The following MYO3A variants were observed in gnomAD, a reference collection of about 807,000 sequenced individuals.
The protein encoded by MYO3A is myosin IIIA.
MYO3A carries 180 observed loss-of-function variants against 192.7 expected under a neutral mutation model. That is an observed-to-expected ratio of 0.93 (90% CI 0.83 to 1.06). MYO3A has a LOEUF of 1.06. Ranked by LOEUF, MYO3A falls within the 50% of genes least tolerant of loss-of-function variation. MYO3A has a pLI of 0.00. For missense variants in MYO3A, 1,896 were observed against 1,905.0 expected, an observed-to-expected ratio of 1.00 and a Z score of 0.09; for synonymous variants, 628 against 645.3, an observed-to-expected ratio of 0.97 and a Z score of 0.41.
intron 29 of MYO3A, among the ~76,000 whole-genome samples, chr10:26,173,439 C>T (rs919835494): frequency 3.3e-5 from 5 of 152,094 alleles, no homozygotes; most frequent in African/African-American, 1.2e-4. Context: ...TTTCTCACTC[C>T]GAGTTGAATC....
chr10:26,082,024 A>T (rs965605932), intron 14 of MYO3A, among the ~76,000 whole-genome samples: 3 of 152,126 alleles, frequency 2.0e-5, no homozygotes, highest in Non-Finnish European at 4.4e-5. Flanking sequence ...TAAAATTCAC[A>T]ATGCAAGCCT....
chr10:26,081,146 GC>G (rs907981671), intron 14 of MYO3A, among the ~76,000 whole-genome samples: 1 of 70,754 alleles, frequency 1.4e-5, no homozygotes, highest in African/African-American at 5.2e-5. Flanking sequence ...CCCCCCCCCC[GC>G]CCCCGCTACC....
chr10:26,109,865 G>A (rs1405525669), intron 17 of MYO3A, among the ~76,000 whole-genome samples: 1 of 152,150 alleles, frequency 6.6e-6, no homozygotes, highest in Non-Finnish European at 1.5e-5. Flanking sequence ...TGGTGAAAGA[G>A]TTTGAGGAGC....
chr10:26,023,696 T>C (rs1464630001), intron 8 of MYO3A, among the ~76,000 whole-genome samples: 1 of 152,176 alleles, frequency 6.6e-6, no homozygotes, highest in Non-Finnish European at 1.5e-5. Flanking sequence ...AAAAAATACC[T>C]TTCCCCAGTA....
chr10:26,145,497 T>C lies in MYO3A; in HGVS notation c.2468T>C (p.Met823Thr), dbSNP rs147983564. Residue 823 changes from methionine (M) to threonine (T), a missense_variant, in exon 22 of 35, where the codon ATG (methionine) becomes ACG (threonine). Transcript: ENST00000642920. The stretch of plus-strand genomic sequence containing the variant: ...CAATACTTCTGGAGACCCAAAAGAA[T>C]GGAACTTAGTTTTGGAATTCACCAT... Reference protein sequence around the residue: ...KSQYFWRPKRMELSFGIHHYA... With the variant: ...KSQYFWRPKRTELSFGIHHYA... 1 of 1,610,462 alleles carries C rather than the reference T, an allele frequency of 6.2e-7. No homozygotes were observed. Among genetic ancestry groups the C allele is most frequent in the African/African-American group, 1.3e-5 (1 of 74,836 alleles).
chr10:25,972,270 G>A (rs1475698211), intron 4 of MYO3A, among the ~76,000 whole-genome samples: 3 of 151,252 alleles, frequency 2.0e-5, no homozygotes, highest in Non-Finnish European at 4.4e-5. Context: ...TTTTCACTTT[G>A]TTCTTTTTTT....
chr10:26,017,664 T>C (rs1306444308), intron 7 of MYO3A, among the ~76,000 whole-genome samples: 1 of 151,930 alleles, frequency 6.6e-6, no homozygotes, highest in Non-Finnish European at 1.5e-5. Context: ...ACTTGTTTAA[T>C]TATTACTTGC....
chr10:26,144,973 C>T (rs1011416540), intron 21 of MYO3A, among the ~76,000 whole-genome samples: 7 of 152,026 alleles, frequency 4.6e-5, no homozygotes, highest in East Asian at 1.9e-4. Flanking sequence ...GTCAGGAGTT[C>T]GAGACCAGCC....
At chr10:26,000,677 CT>C (rs11311143) in intron 6 of MYO3A, among the ~76,000 whole-genome samples, 94,135 of 148,192 alleles carry the variant, frequency 0.64, 30,114 homozygotes, top group African/African-American at 0.76. Flanking sequence ...GTGAGATGAG[CT>C]TTTTTTTTTT....
intron 20 of MYO3A, among the ~76,000 whole-genome samples, chr10:26,136,789 C>T (rs998690368): frequency 8.5e-5 from 13 of 152,228 alleles, no homozygotes; most frequent in African/African-American, 2.9e-4. Flanking sequence ...AGGCCAAGGT[C>T]AGCAGGATCA....
intron 4 of MYO3A, among the ~76,000 whole-genome samples, chr10:25,957,783 A>G (rs1419130002): frequency 2.6e-5 from 4 of 152,176 alleles, no homozygotes; most frequent in Non-Finnish European, 4.4e-5. Context: ...AAAAATAGCT[A>G]TTCTGACTGG....
intron 2 of MYO3A, among the ~76,000 whole-genome samples, chr10:25,941,567 C>T (rs745441565): frequency 1.3e-5 from 2 of 152,042 alleles, no homozygotes; most frequent in Non-Finnish European, 2.9e-5. Flanking sequence ...TATTTTGACC[C>T]CCTGTATTAC....
At chr10:25,993,540 C>G (rs1471786665) in intron 4 of MYO3A, among the ~76,000 whole-genome samples, 7 of 152,076 alleles carry the variant, frequency 4.6e-5, no homozygotes, top group Admixed American at 4.6e-4. Flanking sequence ...TTAGTTATTT[C>G]TTGCCTTCTG....
At chr10:25,995,274 C>T (rs1174874699) in intron 4 of MYO3A, among the ~76,000 whole-genome samples, 1 of 152,180 alleles carries the variant, frequency 6.6e-6, no homozygotes, top group South Asian at 2.1e-4. Context: ...ATCGCTGATA[C>T]CCTTTCTTCC....
intron 32 of MYO3A, among the ~76,000 whole-genome samples, chr10:26,195,516 CA>C (rs1843366267): frequency 1.3e-5 from 2 of 152,162 alleles, no homozygotes; most frequent in African/African-American, 4.8e-5. Flanking sequence ...TGTTACGTCT[CA>C]CTGTCCTAAG....
At chr10:26,113,476 C>CAAAAAAAAAAAAAAAAAAAAAAAAA (rs5783961) in intron 17 of MYO3A, among the ~76,000 whole-genome samples, 1 of 138,168 alleles carries the variant, frequency 7.2e-6, no homozygotes. Flanking sequence ...CTCAAAAAAA[C>CAAAAAAAAAAAAAAAAAAAAAAAAA]AAAAAAAAAA....
At chr10:26,014,617 T>C (rs1841878943) in intron 6 of MYO3A, among the ~76,000 whole-genome samples, 1 of 152,002 alleles carries the variant, frequency 6.6e-6, no homozygotes, top group South Asian at 2.1e-4. Flanking sequence ...CTAGGAAGCA[T>C]TGTTGGATGA....
intron 4 of MYO3A, among the ~76,000 whole-genome samples, chr10:25,957,247 A>G (rs536845913): frequency 6.6e-6 from 1 of 152,140 alleles, no homozygotes; most frequent in East Asian, 1.9e-4. Flanking sequence ...GGTCTTTCCT[A>G]TGGTATTCTC....
At chr10:26,191,473 C>G (rs1259134862) in intron 31 of MYO3A, among the ~76,000 whole-genome samples, 1 of 152,192 alleles carries the variant, frequency 6.6e-6, no homozygotes, top group Non-Finnish European at 1.5e-5. Context: ...TTGTTTATTA[C>G]TAATCTGTAC....
Sources: gnomAD v4.1 joint callset for allele counts (sites outside exome capture counted in the v4.1 genomes callset) on GRCh38, gnomAD v4.1.1 for gene constraint, MANE v1.5 for transcripts, NCBI Gene and HGNC (gene_info 2026-07-23, HGNC 2026-07-21) for gene names.